The following RADIL variants were observed in gnomAD, a reference collection of about 807,000 sequenced individuals.
RADIL encodes the protein ras-associating and dilute domain-containing protein.
RADIL carries 99 observed loss-of-function variants against 97.6 expected under a neutral mutation model. The observed-to-expected ratio is 1.01, with a 90% CI of 0.86 to 1.20. The LOEUF is 1.20. RADIL is among the 50% of genes most tolerant of loss of function. The pLI, the probability that RADIL is intolerant of heterozygous loss-of-function variation, is 0.00. For synonymous variants in RADIL, 803 were observed against 691.8 expected (o/e 1.16, Z -2.52); for missense variants, 1,765 against 1,498.9 (o/e 1.18, Z -2.93).
In RADIL at chr7:4,822,559, C is replaced by G; in HGVS notation, c.1455-5G>C. On this transcript the variant is annotated splice_polypyrimidine_tract_variant and splice_region_variant and intron_variant, in intron 5 of 14. Transcript: ENST00000399583. The surrounding 1 kb of genome is among the most constrained non-coding windows in gnomAD (Gnocchi z 5.3). ...GCCAGCGAGATGGGCTCCTGGCTAC[C>G]AAGACAGAAAGACTAAGAGTTACGC... 1 of 1,612,300 alleles carries G rather than the reference C, an allele frequency of 6.2e-7. No homozygotes were observed. The highest frequency in any genetic ancestry group is 8.5e-7 in the Non-Finnish European group (1 of 1,179,668).
Position 4,849,246 on chromosome 7 carries a change from C to G in RADIL, c.536-12641G>C, listed in dbSNP as rs143045034. On this transcript the variant is annotated intron_variant, in intron 2 of 14. Transcript: ENST00000399583. This position sits in a 1 kb window ranked among gnomAD's most constrained non-coding sequence, Gnocchi z 5.4. Reference sequence around the variant, plus strand: ...AAGAAGGAACGGCTATGGCAGAGAACTGCTGTTTTGCTTTTAATCGGTAAT... The same window carrying G: ...AAGAAGGAACGGCTATGGCAGAGAAGTGCTGTTTTGCTTTTAATCGGTAAT... Among the ~76,000 whole-genome samples, 1 of 152,078 alleles carries G rather than the reference C, an allele frequency of 6.6e-6. No homozygotes were observed. Among genetic ancestry groups the G allele is most frequent in the African/African-American group, 2.4e-5 (1 of 41,490 alleles).
intron 10 of RADIL, 152 bp downstream of exon 10, chr7:4,805,414 G>C (rs1158914664): frequency 1.1e-6 from 1 of 933,246 alleles, no homozygotes; most frequent in African/African-American, 1.7e-5. Context: ...CGGGGCGGGG[G>C]GGTCCTCTGG....
In RADIL at chr7:4,822,449, G is replaced by A; in HGVS notation, c.1560C>T (p.Ile520=). The change falls in exon 6 of 15, where the codon ATC becomes ATT. Residue 520 remains isoleucine (I), a synonymous_variant. Coordinates refer to ENST00000399583, the MANE Select transcript of RADIL (RefSeq NM_018059.5). The surrounding 1 kb of genome is among the most constrained non-coding windows in gnomAD (Gnocchi z 5.3). ...MSNSIELLYF[I]QQKCPLYMQS... is the part of the protein sequence containing the mutation. ...GCATGTAGAGTGGGCATTTCTGCTGGATAAAGTACAGGAGCTCGATGGAGT... is the reference window on the plus strand; with the variant it reads ...GCATGTAGAGTGGGCATTTCTGCTGAATAAAGTACAGGAGCTCGATGGAGT... 1 of 1,613,068 alleles carries A rather than the reference G, an allele frequency of 6.2e-7. No individual in the cohort carries two copies. The highest frequency in any genetic ancestry group is 8.5e-7 in the Non-Finnish European group (1 of 1,179,980).
At chr7:4,851,197 CAAAAAAAA>C (rs138842231) in intron 2 of RADIL, among the ~76,000 whole-genome samples, 1 of 135,570 alleles carries the variant, frequency 7.4e-6, no homozygotes, top group Admixed American at 7.6e-5. Flanking sequence ...AACTCCGTCT[CAAAAAAAA>C]AAAAGAAAAA....
At chr7:4,870,360 T>G (rs1211496516) in intron 2 of RADIL, among the ~76,000 whole-genome samples, 1 of 152,242 alleles carries the variant, frequency 6.6e-6, no homozygotes, top group East Asian at 1.9e-4. Context: ...CAGTATGATT[T>G]AAACAGATCC....
In RADIL at chr7:4,801,835, C is replaced by T. The variant is rs575822093; in HGVS notation, c.2660G>A (p.Arg887His). ...AQAPPGRQPS[R>H]GGSQAGPPHT... Reference sequence around the variant, plus strand: ...CGGGGGGCCAGCCTGGGAGCCCCCACGGCTGGGTTGCCTTCCAGGGGGGGC... The same window carrying T: ...CGGGGGGCCAGCCTGGGAGCCCCCATGGCTGGGTTGCCTTCCAGGGGGGGC... The change falls in exon 12 of 15, where the codon CGT (arginine) becomes CAT (histidine). Residue 887 changes from arginine to histidine, a missense_variant. Physicochemically the swap from Arg to His is conservative, Grantham distance 29. Transcript: ENST00000399583. 3.4e-5 allele frequency: 55 copies of T among 1,603,846 alleles called. No homozygotes were observed. The highest frequency in any genetic ancestry group is 6.7e-5 in the East Asian group (3 of 44,488).
At position 4,883,294 on chromosome 7, in the gene RADIL, A is replaced by G. The variant is rs1784523020; in HGVS notation, c.-65+302T>C. Among the ~76,000 whole-genome samples the G allele has an allele frequency of 6.6e-6, 1 of 150,672 alleles. No individual in the cohort carries two copies. Among genetic ancestry groups the G allele is most frequent in the South Asian group, 2.1e-4 (1 of 4,806 alleles). On this transcript the variant is annotated intron_variant, in intron 1 of 14. Transcript: ENST00000399583. This position sits in a 1 kb window ranked among gnomAD's most constrained non-coding sequence, Gnocchi z 7.1. ...TTGGGGGTCCGGGGCCCACGCGGACAGCCAGGCTCAGGAGCTCTCGGGGGT... is the reference window on the plus strand; with the variant it reads ...TTGGGGGTCCGGGGCCCACGCGGACGGCCAGGCTCAGGAGCTCTCGGGGGT...
chr7:4,860,365 C>T (rs758690910), intron 2 of RADIL: 1 of 1,613,976 alleles, frequency 6.2e-7, no homozygotes, highest in Non-Finnish European at 8.5e-7. Context: ...CAGTAATTTT[C>T]ATACCCATCT....
intron 9 of RADIL, among the ~76,000 whole-genome samples, chr7:4,811,783 G>C (rs1261758559): frequency 6.6e-6 from 1 of 152,014 alleles, no homozygotes; most frequent in African/African-American, 2.4e-5. Context: ...CACCGCGCCT[G>C]GCCTAATTCT....
intron 4 of RADIL, among the ~76,000 whole-genome samples, chr7:4,833,269 C>T (rs1287198835): frequency 1.3e-5 from 2 of 152,150 alleles, no homozygotes; most frequent in African/African-American, 2.4e-5. Flanking sequence ...AATTAAACAG[C>T]GTTTGGTTTG....
chr7:4,813,758 G>A lies in RADIL; in HGVS notation c.2139+1520C>T, dbSNP rs1315302869. On this transcript the variant is annotated intron_variant, in intron 9 of 14. Transcript: ENST00000399583. The surrounding 1 kb of genome is among the most constrained non-coding windows in gnomAD (Gnocchi z 5.0). ...ACTTTGTGTTTCTTTCCGGCTGTGC[G>A]GGCTGTCCTCAGTGGAACTGCAGGC... is the stretch of plus-strand genomic sequence containing the variant. Among the ~76,000 whole-genome samples the A allele has an allele frequency of 3.3e-5, 5 of 152,136 alleles. No homozygotes were observed. The highest frequency in any genetic ancestry group is 7.3e-5 in the Non-Finnish European group (5 of 68,028).
intron 2 of RADIL, among the ~76,000 whole-genome samples, chr7:4,852,404 G>C (rs1356216584): frequency 2.6e-5 from 4 of 152,086 alleles, no homozygotes; most frequent in South Asian, 2.1e-4. Context: ...AAAATGCTTT[G>C]GGCCAGGCCA....
At chr7:4,816,631 T>G (rs374398218) in intron 7 of RADIL, among the ~76,000 whole-genome samples, 166 bp from the exon 8 acceptor site, 11 of 152,046 alleles carry the variant, frequency 7.2e-5, no homozygotes, top group African/African-American at 2.4e-4. Flanking sequence ...CAGTGTGGGA[T>G]GTGGGGACAC....
Position 4,815,132 on chromosome 7 carries a change from G to C in RADIL, c.2139+146C>G. On this transcript the variant is annotated intron_variant, in intron 9 of 14. Transcript: ENST00000399583. This position sits in a 1 kb window ranked among gnomAD's most constrained non-coding sequence, Gnocchi z 8.0. ...AGGTGGACACAGCCATGGAATGGAA[G>C]CAACTTTTCTGATTACCTACGGTAG... The C allele has an allele frequency of 9.7e-7, 1 of 1,026,978 alleles. No individual in the cohort carries two copies. The highest frequency in any genetic ancestry group is 1.4e-6 in the Non-Finnish European group (1 of 730,146). The allele number at this position is 1,026,978 out of a possible 1,614,324, so 63.6% of individuals were successfully genotyped here. A position where few individuals can be genotyped will look rare whatever the true frequency, so the allele number is the denominator to read the frequency against.
intron 5 of RADIL, among the ~76,000 whole-genome samples, chr7:4,826,039 T>C (rs1782966623): frequency 6.6e-6 from 1 of 151,668 alleles, no homozygotes; most frequent in South Asian, 2.1e-4. Context: ...GTCTTGTCTC[T>C]ACAGAAAAAA....
At chr7:4,868,194 C>G (rs373044707) in intron 2 of RADIL, among the ~76,000 whole-genome samples, 22 of 152,176 alleles carry the variant, frequency 1.4e-4, no homozygotes, top group South Asian at 8.3e-4. Context: ...TCCCGAGTAG[C>G]TGGGACTACA....
At chr7:4,852,246 G>A (rs1157225501) in intron 2 of RADIL, among the ~76,000 whole-genome samples, 5 of 152,162 alleles carry the variant, frequency 3.3e-5, no homozygotes, top group East Asian at 3.9e-4. Flanking sequence ...ACATGCTACC[G>A]TCCATGCAGA....
chr7:4,875,814 T>C (rs1784364561), intron 2 of RADIL, among the ~76,000 whole-genome samples: 1 of 152,096 alleles, frequency 6.6e-6, no homozygotes, highest in Non-Finnish European at 1.5e-5. Context: ...GGACCCCATC[T>C]CTGCCACCGG....
At chr7:4,804,301 G>A (rs1782219699) in intron 10 of RADIL, among the ~76,000 whole-genome samples, 1 of 152,240 alleles carries the variant, frequency 6.6e-6, no homozygotes, top group African/African-American at 2.4e-5. Flanking sequence ...AATCAATGCG[G>A]AGGAAGGACT....
Sources: gnomAD v4.1 joint callset for allele counts (sites outside exome capture counted in the v4.1 genomes callset) on GRCh38, gnomAD v4.1.1 for gene constraint, Gnocchi (gnomAD v3.1) non-coding constraint, MANE v1.5 for transcripts, NCBI Gene and HGNC (gene_info 2026-07-23, HGNC 2026-07-21) for gene names.